Variants in FBXL17 observed in about 807,000 individuals in gnomAD.
The protein encoded by FBXL17 is F-box and leucine rich repeat protein 17, also known as F-box/LRR-repeat protein 17.
In FBXL17, 22 loss-of-function variants were observed where a neutral mutation model predicts 66.2. That is an observed-to-expected ratio of 0.33 (90% confidence interval 0.24 to 0.47). The LOEUF is 0.47. FBXL17 is among the 20% of genes least tolerant of loss of function. The probability of loss-of-function intolerance (pLI) is 1.00; values close to 1 mark genes in which losing one functional copy is unlikely to be tolerated. For synonymous variants in FBXL17, 474 were observed against 400.5 expected (o/e 1.18, Z -2.19); for missense variants, 878 against 948.2 (o/e 0.93, Z 0.97).
chr5:108,270,691 TA>T (rs907568926), intron 4 of FBXL17, among the ~76,000 whole-genome samples: 1 of 152,066 alleles, frequency 6.6e-6, no homozygotes, highest in African/African-American at 2.4e-5. Flanking sequence ...TTAACAGTTT[TA>T]AATTATTATG....
At chr5:108,373,623 A>T (rs1456507361) in intron 1 of FBXL17, among the ~76,000 whole-genome samples, 1 of 152,152 alleles carries the variant, frequency 6.6e-6, no homozygotes, top group African/African-American at 2.4e-5. Context: ...GTTAAGACAC[A>T]TAAGGCCAGG....
chr5:108,264,400 G>T (rs1330018422), intron 4 of FBXL17, among the ~76,000 whole-genome samples: 1 of 151,810 alleles, frequency 6.6e-6, no homozygotes, highest in South Asian at 2.1e-4. Context: ...AAGATAAAGA[G>T]AACCAACAAA....
intron 5 of FBXL17, among the ~76,000 whole-genome samples, chr5:108,190,329 ACAGT>A (rs1753420027): frequency 6.6e-6 from 1 of 152,152 alleles, no homozygotes. Context: ...TTCCTAGAAA[ACAGT>A]CAGTTTTGAT....
Position 108,367,924 on chromosome 5 carries a change from A to G in FBXL17, c.1023T>C (p.Arg341=), listed in dbSNP as rs1241951087. Residue 341 remains arginine, a synonymous_variant, in exon 2 of 9, where the codon CGT becomes CGC. Coordinates refer to ENST00000542267, the MANE Select transcript of FBXL17 (RefSeq NM_001163315.3). ...KIFSNLSLDE[R]CLSASLVCKY... ...TGCAAACCAATGATGCGGAAAGGCA[A>G]CGCTCATCCAGTGACAAATTGGAAA... The G allele has an allele frequency of 1.9e-6, 3 of 1,550,798 alleles. No homozygotes were observed. Among genetic ancestry groups the G allele is most frequent in the Non-Finnish European group, 2.6e-6 (3 of 1,146,388 alleles).
intron 6 of FBXL17, among the ~76,000 whole-genome samples, chr5:108,054,412 G>A (rs973111728): frequency 3.3e-5 from 5 of 152,066 alleles, no homozygotes; most frequent in Non-Finnish European, 7.4e-5. Flanking sequence ...AGTGGTGGAA[G>A]TCAGGCTCCT....
intron 4 of FBXL17, among the ~76,000 whole-genome samples, chr5:108,346,388 T>C (rs1031430780): frequency 2.0e-5 from 3 of 152,082 alleles, no homozygotes; most frequent in Non-Finnish European, 4.4e-5. Context: ...ATATTTTTAA[T>C]GTACCAAAAT....
chr5:108,165,514 T>C (rs1752384111), intron 6 of FBXL17, among the ~76,000 whole-genome samples: 1 of 152,204 alleles, frequency 6.6e-6, no homozygotes, highest in South Asian at 2.1e-4. Context: ...AAAACAAACG[T>C]TGGTGACAAA....
At chr5:108,050,191 T>C (rs1747416222) in intron 6 of FBXL17, among the ~76,000 whole-genome samples, 1 of 152,158 alleles carries the variant, frequency 6.6e-6, no homozygotes, top group South Asian at 2.1e-4. Context: ...AGACAGAAAA[T>C]TAACAAGGAT....
intron 5 of FBXL17, among the ~76,000 whole-genome samples, chr5:108,221,795 A>G (rs1754877384): frequency 6.6e-6 from 1 of 152,198 alleles, no homozygotes; most frequent in Admixed American, 6.5e-5. Flanking sequence ...TAATTTTATT[A>G]AAAACTGAGT....
At chr5:108,285,754 C>A (rs1270899679) in intron 4 of FBXL17, among the ~76,000 whole-genome samples, 1 of 151,234 alleles carries the variant, frequency 6.6e-6, no homozygotes, top group African/African-American at 2.4e-5. Flanking sequence ...ATAAGTGGGC[C>A]TACAAACAGT....
intron 6 of FBXL17, among the ~76,000 whole-genome samples, chr5:108,096,692 C>T (rs1749381698): frequency 6.6e-6 from 1 of 152,114 alleles, no homozygotes; most frequent in African/African-American, 2.4e-5. Context: ...GGGATACATG[C>T]AACAAATGTG....
At position 107,859,365 on chromosome 5, in the gene FBXL17, C is replaced by T. The variant is rs1300055587; in HGVS notation, c.*2355G>A. ...ACATTCAACAACCATCACAGGACCA[C>T]TCAAGGTGATGCTTTTTTCTGGCTG... is the stretch of plus-strand genomic sequence containing the variant. On this transcript the variant is annotated 3_prime_UTR_variant, in exon 9 of 9. Transcript: ENST00000542267. The T allele has an allele frequency of 6.8e-6, 1 of 146,522 alleles. No homozygotes were observed. The highest frequency in any genetic ancestry group is 1.5e-5 in the Non-Finnish European group (1 of 67,114). The allele number at this position is 146,522 out of a possible 1,614,324, so 9.1% of individuals were successfully genotyped here.
intron 7 of FBXL17, among the ~76,000 whole-genome samples, chr5:108,004,636 G>C (rs1452829829): frequency 6.6e-6 from 1 of 152,116 alleles, no homozygotes; most frequent in South Asian, 2.1e-4. Context: ...GCTTAGTTCT[G>C]GTTCTAGAGC....
At chr5:108,299,795 A>T in intron 4 of FBXL17, 1 of 985,094 alleles carries the variant, frequency 1.0e-6, no homozygotes, top group Non-Finnish European at 1.2e-6. Flanking sequence ...GAAGGAACTA[A>T]ATAGCGTGGA....
At chr5:108,196,045 A>G (rs566417817) in intron 5 of FBXL17, among the ~76,000 whole-genome samples, 2 of 152,212 alleles carry the variant, frequency 1.3e-5, no homozygotes, top group East Asian at 1.9e-4. Context: ...CATTTAATAT[A>G]TAATTGTATT....
intron 6 of FBXL17, among the ~76,000 whole-genome samples, chr5:108,062,673 AC>A (rs1747968880): frequency 3.9e-5 from 6 of 152,140 alleles, no homozygotes; most frequent in Admixed American, 3.9e-4. Flanking sequence ...AATTTTCATG[AC>A]TTTTTTGGAG....
chr5:108,099,253 T>C (rs1281792931), intron 6 of FBXL17, among the ~76,000 whole-genome samples: 1 of 152,228 alleles, frequency 6.6e-6, no homozygotes, highest in African/African-American at 2.4e-5. Flanking sequence ...AAATAGCTGA[T>C]AATGTGATAC....
At chr5:108,115,596 A>G (rs1395040400) in intron 6 of FBXL17, among the ~76,000 whole-genome samples, 1 of 152,032 alleles carries the variant, frequency 6.6e-6, no homozygotes, top group African/African-American at 2.4e-5. Context: ...AGAAATGCAG[A>G]CACAGTATTT....
intron 6 of FBXL17, among the ~76,000 whole-genome samples, chr5:108,102,907 A>C (rs1749655780): frequency 6.6e-6 from 1 of 152,188 alleles, no homozygotes; most frequent in Admixed American, 6.5e-5. Flanking sequence ...TCTGCCAATA[A>C]CATTTATTAT....
Sources: allele counts gnomAD v4.1 joint callset (sites outside exome capture counted in the v4.1 genomes callset), GRCh38; gene constraint gnomAD v4.1.1; transcripts MANE v1.5; gene names NCBI Gene and HGNC (gene_info 2026-07-23, HGNC 2026-07-21).